The following NLGN1 variants were observed in gnomAD, a reference collection of about 807,000 sequenced individuals.
NLGN1 encodes the protein neuroligin 1.
A neutral mutation model predicts 65.5 loss-of-function variants in NLGN1; 12 were observed. The observed-to-expected ratio is 0.18, with a 90% confidence interval of 0.12 to 0.30. The LOEUF is 0.30. Ranked by LOEUF, NLGN1 falls within the 10% of genes least tolerant of loss-of-function variation. The probability of loss-of-function intolerance (pLI) is 1.00; values close to 1 mark genes in which losing one functional copy is unlikely to be tolerated. For missense variants in NLGN1, 750 were observed against 1,007.1 expected, an observed-to-expected ratio of 0.74 and a Z score of 3.46; for synonymous variants, 350 against 359.5, an observed-to-expected ratio of 0.97 and a Z score of 0.30.
At chr3:174,195,331 T>C (rs1733208786) in intron 4 of NLGN1, among the ~76,000 whole-genome samples, 1 of 152,158 alleles carries the variant, frequency 6.6e-6, no homozygotes, top group Non-Finnish European at 1.5e-5. Flanking sequence ...CTTTGAAAAA[T>C]ATGTTTGATG....
chr3:173,588,519 T>C (rs914488682), intron 2 of NLGN1, among the ~76,000 whole-genome samples: 1 of 152,206 alleles, frequency 6.6e-6, no homozygotes, highest in South Asian at 2.1e-4. Context: ...AACTCGAAGC[T>C]TAAGTGAAGT....
chr3:174,091,468 C>T (rs1450103851), intron 4 of NLGN1, among the ~76,000 whole-genome samples: 6 of 152,192 alleles, frequency 3.9e-5, no homozygotes, highest in Admixed American at 3.9e-4. Flanking sequence ...TTTTCTTTAA[C>T]TAATGTACTA....
chr3:174,087,957 G>A (rs1188712410), intron 4 of NLGN1, among the ~76,000 whole-genome samples: 1 of 152,062 alleles, frequency 6.6e-6, no homozygotes, highest in Non-Finnish European at 1.5e-5. Flanking sequence ...TGCTGCTCAG[G>A]GCAGAGACTT....
chr3:173,730,328 C>A (rs1157445192), intron 3 of NLGN1, among the ~76,000 whole-genome samples: 3 of 137,476 alleles, frequency 2.2e-5, no homozygotes, highest in African/African-American at 5.7e-5. Flanking sequence ...CCGCTCCCCC[C>A]CCCCCGCAAA....
At chr3:174,262,293 C>T (rs1420848474) in intron 4 of NLGN1, among the ~76,000 whole-genome samples, 8 of 91,948 alleles carry the variant, frequency 8.7e-5, no homozygotes, top group African/African-American at 1.6e-4. Context: ...TGGTAGAATT[C>T]GGCTGTGAAT....
intron 4 of NLGN1, among the ~76,000 whole-genome samples, chr3:174,249,807 G>A (rs1366107936): frequency 6.6e-6 from 1 of 152,042 alleles, no homozygotes; most frequent in Admixed American, 6.5e-5. Flanking sequence ...TTTTTGCTTA[G>A]TTATTTTTCT....
At chr3:174,115,775 C>G (rs1355048978) in intron 4 of NLGN1, among the ~76,000 whole-genome samples, 1 of 152,166 alleles carries the variant, frequency 6.6e-6, no homozygotes, top group Non-Finnish European at 1.5e-5. Context: ...AATTTATCCT[C>G]TATCACTAAT....
intron 3 of NLGN1, among the ~76,000 whole-genome samples, chr3:173,751,969 G>C (rs949276095): frequency 3.9e-5 from 6 of 152,026 alleles, no homozygotes; most frequent in African/African-American, 1.4e-4. Context: ...TCTGAGGCCT[G>C]TGCTTGTTAA....
chr3:173,543,595 A>C (rs1739261257), intron 2 of NLGN1, among the ~76,000 whole-genome samples: 2 of 152,162 alleles, frequency 1.3e-5, no homozygotes, highest in Admixed American at 1.3e-4. Context: ...AAACACGACT[A>C]AAAGAGCTTG....
chr3:174,163,332 A>G (rs1398280647), intron 4 of NLGN1, among the ~76,000 whole-genome samples: 1 of 152,100 alleles, frequency 6.6e-6, no homozygotes, highest in African/African-American at 2.4e-5. Context: ...TTTAACATAC[A>G]AAGTAAATTT....
At chr3:174,235,916 A>G (rs199734712) in intron 4 of NLGN1, among the ~76,000 whole-genome samples, 1 of 151,946 alleles carries the variant, frequency 6.6e-6, no homozygotes, top group East Asian at 1.9e-4. Flanking sequence ...TATTATCTCT[A>G]TAGCATAGTC....
At chr3:174,201,061 ACCT>A (rs1734365107) in intron 4 of NLGN1, among the ~76,000 whole-genome samples, 1 of 151,096 alleles carries the variant, frequency 6.6e-6, no homozygotes, top group Non-Finnish European at 1.5e-5. Context: ...ACATAATGAA[ACCT>A]CCTTTCTACA....
chr3:174,119,821 A>G (rs1717362958), intron 4 of NLGN1, among the ~76,000 whole-genome samples: 1 of 152,186 alleles, frequency 6.6e-6, no homozygotes, highest in Non-Finnish European at 1.5e-5. Context: ...TTCCTTTGTC[A>G]CATAATAAAA....
intron 4 of NLGN1, among the ~76,000 whole-genome samples, chr3:174,018,686 GCTGC>G: frequency 1.3e-5 from 2 of 152,226 alleles, no homozygotes; most frequent in Middle Eastern, 3.4e-3. Flanking sequence ...ACACAAGGGT[GCTGC>G]CTTCAGGTCA....
chr3:174,095,036 G>A (rs542360515), intron 4 of NLGN1, among the ~76,000 whole-genome samples: 1 of 152,052 alleles, frequency 6.6e-6, no homozygotes, highest in Admixed American at 6.6e-5. Flanking sequence ...CTTTTTCAGG[G>A]CATTTATGAA....
At chr3:173,528,694 C>G (rs115520299) in intron 2 of NLGN1, among the ~76,000 whole-genome samples, 1 of 152,106 alleles carries the variant, frequency 6.6e-6, no homozygotes, top group Admixed American at 6.6e-5. Flanking sequence ...GACCAATCTT[C>G]GAGCTCTGAA....
intron 4 of NLGN1, among the ~76,000 whole-genome samples, chr3:174,054,067 G>A (rs1373347745): frequency 6.6e-6 from 1 of 151,960 alleles, no homozygotes; most frequent in African/African-American, 2.4e-5. Context: ...ACAACAGTTT[G>A]CCAGACTTCT....
intron 4 of NLGN1, among the ~76,000 whole-genome samples, chr3:173,854,566 TA>T (rs869116710): frequency 2.0e-5 from 3 of 151,854 alleles, no homozygotes; most frequent in East Asian, 1.9e-4. Context: ...TAACTTTTTT[TA>T]AAAAAAATCA....
chr3:173,539,588 A>G (rs1437738963), intron 2 of NLGN1, among the ~76,000 whole-genome samples: 2 of 139,644 alleles, frequency 1.4e-5, no homozygotes, highest in Non-Finnish European at 3.1e-5. Flanking sequence ...TATGTTATAT[A>G]TGTTATATAA....
Sources: allele counts gnomAD v4.1 joint callset (sites outside exome capture counted in the v4.1 genomes callset), GRCh38; gene constraint gnomAD v4.1.1; transcripts MANE v1.5; gene names NCBI Gene and HGNC (gene_info 2026-07-23, HGNC 2026-07-21).